Variants in PRR5L observed in about 807,000 individuals in gnomAD.
PRR5L encodes the protein proline-rich protein 5-like.
In PRR5L, 21 loss-of-function variants were observed where a neutral mutation model predicts 36.4. The observed-to-expected ratio is 0.58, with a 90% CI of 0.41 to 0.83. The LOEUF is 0.83. Ranked by LOEUF, PRR5L falls within the 40% of genes least tolerant of loss-of-function variation. PRR5L has a pLI of 0.00. For missense variants in PRR5L, 381 were observed against 473.3 expected (o/e 0.80, Z 1.81); for synonymous variants, 188 against 197.0 (o/e 0.95, Z 0.38).
chr11:36,343,303 A>G (rs1048713220), intron 1 of PRR5L, among the ~76,000 whole-genome samples: 1 of 152,242 alleles, frequency 6.6e-6, no homozygotes, highest in Non-Finnish European at 1.5e-5. Flanking sequence ...AGATTTGCAG[A>G]TTAGACAAAA....
intron 1 of PRR5L, among the ~76,000 whole-genome samples, chr11:36,362,803 G>A (rs1857104780): frequency 6.6e-6 from 1 of 152,058 alleles, no homozygotes; most frequent in Non-Finnish European, 1.5e-5. Context: ...TTTGTGAGTG[G>A]CGACAGACAG....
intron 1 of PRR5L, among the ~76,000 whole-genome samples, chr11:36,312,720 A>T (rs180985450): frequency 6.6e-6 from 1 of 152,346 alleles, no homozygotes; most frequent in East Asian, 1.9e-4. Context: ...CCACCTCACT[A>T]TTATGAAGTA....
intron 7 of PRR5L, among the ~76,000 whole-genome samples, chr11:36,449,677 A>G (rs11033623): frequency 0.15 from 23,334 of 152,114 alleles, 1,926 homozygotes; most frequent in Non-Finnish European, 0.16. Flanking sequence ...TCCCATCAGC[A>G]TTTGACACTC....
chr11:36,318,884 T>TA (rs1419323061), intron 1 of PRR5L, among the ~76,000 whole-genome samples: 1 of 152,198 alleles, frequency 6.6e-6, no homozygotes, highest in Non-Finnish European at 1.5e-5. Flanking sequence ...GGCTTAAACA[T>TA]AACAAAGGAA....
chr11:36,326,427 C>G (rs72950009), intron 1 of PRR5L, among the ~76,000 whole-genome samples: 3,358 of 125,810 alleles, frequency 0.027, 77 homozygotes, highest in East Asian at 0.098. Flanking sequence ...AATACACATT[C>G]AATTTTCCCA....
chr11:36,420,777 A>G (rs1248394424), intron 4 of PRR5L, among the ~76,000 whole-genome samples: 1 of 151,742 alleles, frequency 6.6e-6, no homozygotes, highest in African/African-American at 2.4e-5. Context: ...TCTTTATGAG[A>G]TTCAGGAAGC....
At chr11:36,408,194 C>T (rs569157756) in intron 3 of PRR5L, among the ~76,000 whole-genome samples, 17 of 151,828 alleles carry the variant, frequency 1.1e-4, no homozygotes, top group African/African-American at 2.9e-4. Context: ...GCAGGAGAAT[C>T]GCTTGAACCT....
intron 5 of PRR5L, among the ~76,000 whole-genome samples, chr11:36,432,719 CCTTT>C (rs1412741797): frequency 6.6e-6 from 1 of 152,040 alleles, no homozygotes; most frequent in Non-Finnish European, 1.5e-5. Flanking sequence ...CATACCGGAC[CCTTT>C]CTTTTTTTTC....
chr11:36,314,830 A>G (rs1209853602), intron 1 of PRR5L, among the ~76,000 whole-genome samples: 1 of 152,190 alleles, frequency 6.6e-6, no homozygotes, highest in East Asian at 1.9e-4. Flanking sequence ...GTTGTTCACT[A>G]TCTATGTGAC....
At chr11:36,335,076 G>A (rs968373564) in intron 1 of PRR5L, among the ~76,000 whole-genome samples, 3 of 151,372 alleles carry the variant, frequency 2.0e-5, no homozygotes, top group Non-Finnish European at 2.9e-5. Flanking sequence ...CTCCATCTAT[G>A]TTTTGAGTGG....
intron 1 of PRR5L, among the ~76,000 whole-genome samples, chr11:36,347,799 G>A (rs766886063): frequency 3.9e-5 from 6 of 151,974 alleles, no homozygotes; most frequent in Non-Finnish European, 7.4e-5. Flanking sequence ...AGTATTTCAG[G>A]AGGACCTGGT....
intron 1 of PRR5L, among the ~76,000 whole-genome samples, chr11:36,351,572 TA>T (rs1856961420): frequency 2.6e-4 from 8 of 31,220 alleles, no homozygotes; most frequent in African/African-American, 1.3e-3. Flanking sequence ...TTTATATATT[TA>T]TATAAATATA....
rs141974589 is a variant in PRR5L, at chr11:36,401,152, G to A, written c.31G>A (p.Val11Ile). The A allele has an allele frequency of 1.9e-4, 314 of 1,614,030 alleles. No homozygotes were observed. The highest frequency in any genetic ancestry group is 1.6e-4 in the Middle Eastern group (1 of 6,084). The stretch of plus-strand genomic sequence containing the variant: ...CCGCGGCTTCGCTCCCATTCTGCCC[G>A]TCGAGTTCCACAAGATGGGCTCCTT... MTRGFAPILP[V>I]EFHKMGSFRR... is the part of the protein sequence containing the mutation. Residue 11 changes from valine (V) to isoleucine (I), a missense_variant, in exon 2 of 9, where the codon GTC becomes ATC. Coordinates refer to ENST00000530639, the MANE Select transcript of PRR5L (RefSeq NM_001160167.2).
At chr11:36,354,622 A>C (rs1478283592) in intron 1 of PRR5L, among the ~76,000 whole-genome samples, 2 of 152,266 alleles carry the variant, frequency 1.3e-5, no homozygotes, top group Non-Finnish European at 2.9e-5. Context: ...TATTTAAAAA[A>C]GAAAAGAAAG....
chr11:36,432,367 G>A (rs1238448795), intron 5 of PRR5L, among the ~76,000 whole-genome samples: 1 of 152,108 alleles, frequency 6.6e-6, no homozygotes, highest in Non-Finnish European at 1.5e-5. Context: ...GGCTAAGCAG[G>A]CACTCACTCA....
chr11:36,365,009 C>A (rs190512199), intron 1 of PRR5L, among the ~76,000 whole-genome samples: 11 of 152,312 alleles, frequency 7.2e-5, no homozygotes, highest in Admixed American at 5.9e-4. Flanking sequence ...ACATCACAGG[C>A]AGGCTGTAAG....
At chr11:36,408,489 C>T (rs1857956034) in intron 3 of PRR5L, among the ~76,000 whole-genome samples, 1 of 152,138 alleles carries the variant, frequency 6.6e-6, no homozygotes, top group Non-Finnish European at 1.5e-5. Context: ...CTAGCTAAAT[C>T]CCCAGGCATC....
chr11:36,387,863 G>A (rs1306560359), intron 1 of PRR5L, among the ~76,000 whole-genome samples: 1 of 152,176 alleles, frequency 6.6e-6, no homozygotes, highest in East Asian at 1.9e-4. Context: ...GTGCTGGTTG[G>A]CCTGGTGAAT....
At chr11:36,419,652 A>G (rs771873881) in intron 4 of PRR5L, among the ~76,000 whole-genome samples, 24 of 152,378 alleles carry the variant, frequency 1.6e-4, no homozygotes, top group Middle Eastern at 3.4e-3. Flanking sequence ...AGCCTATTAC[A>G]TACTAGTGCT....
Sources: gnomAD v4.1 joint callset for allele counts (sites outside exome capture counted in the v4.1 genomes callset) on GRCh38, gnomAD v4.1.1 for gene constraint, MANE v1.5 for transcripts, NCBI Gene and HGNC (gene_info 2026-07-23, HGNC 2026-07-21) for gene names.